Variants in FIGNL2 observed in about 807,000 individuals in gnomAD.
The protein encoded by FIGNL2 is fidgetin-like protein 2.
For missense variants in FIGNL2, 1,060 were observed against 950.2 expected, an observed-to-expected ratio of 1.12 and a Z score of -1.52; for synonymous variants, 565 against 484.0, an observed-to-expected ratio of 1.17 and a Z score of -2.20.
In FIGNL2 at chr12:51,844,705, G is replaced by C. The variant is rs946794774; in HGVS notation, c.-12+3835C>G. On this transcript the variant is annotated intron_variant, in intron 1 of 1. Transcript: ENST00000618634. ...TGAAACTGCTCGGAGAAGAGCAATTGCCACTTGTTCCTGGAGACAAGTGGA... is the reference window on the plus strand; with the variant it reads ...TGAAACTGCTCGGAGAAGAGCAATTCCCACTTGTTCCTGGAGACAAGTGGA... 6.1e-6 allele frequency: 6 copies of C among 985,258 alleles called. No individual in the cohort carries two copies. In the African/African-American group the frequency reaches 8.7e-5, roughly 14 times the overall value. The allele number at this position is 985,258 out of a possible 1,614,324, so 61.0% of individuals were successfully genotyped here.
At chr12:51,832,618 G>A (rs955760797) in intron 1 of FIGNL2, among the ~76,000 whole-genome samples, 10 of 151,934 alleles carry the variant, frequency 6.6e-5, no homozygotes, top group South Asian at 4.2e-4. Context: ...TGCAGACCTC[G>A]GGCTCAGTCC....
intron 1 of FIGNL2, among the ~76,000 whole-genome samples, chr12:51,838,274 C>T (rs752018557): frequency 2.6e-5 from 4 of 152,212 alleles, no homozygotes; most frequent in Admixed American, 6.5e-5. Flanking sequence ...GCTGGATCTC[C>T]ATTGTCTCAT....
intron 1 of FIGNL2, chr12:51,824,361 T>G (rs892221598): frequency 6.6e-6 from 1 of 152,262 alleles, no homozygotes; most frequent in Non-Finnish European, 1.5e-5. Flanking sequence ...AGCAGCTTGT[T>G]GACAGCACCC....
intron 1 of FIGNL2, chr12:51,824,029 A>G (rs899082092): frequency 3.3e-5 from 5 of 152,162 alleles, no homozygotes; most frequent in Non-Finnish European, 5.9e-5. Context: ...TCACAAGAAC[A>G]ACACCTTCAA....
At chr12:51,830,576 C>A (rs1335317952) in intron 1 of FIGNL2, among the ~76,000 whole-genome samples, 5 of 148,836 alleles carry the variant, frequency 3.4e-5, no homozygotes, top group Non-Finnish European at 7.4e-5. Flanking sequence ...ACTGCAACCT[C>A]CCCCTCCTGA....
intron 1 of FIGNL2, among the ~76,000 whole-genome samples, chr12:51,837,346 C>A (rs1219358525): frequency 1.3e-5 from 2 of 152,160 alleles, no homozygotes; most frequent in African/African-American, 4.8e-5. Flanking sequence ...AGGACGCAGG[C>A]TCCCAATGTT....
At position 51,819,319 on chromosome 12, in the gene FIGNL2, G is replaced by A. The variant is rs1939114931; in HGVS notation, c.*1133C>T. On this transcript the variant is annotated 3_prime_UTR_variant, in exon 2 of 2. Transcript: ENST00000618634. ...GGAGGGGTTGGGTGGGGCAGGGGGT[G>A]GGGAGCAGCAGGAGAGGAATAAGGC... 6.6e-6 allele frequency: 1 copy of A among 152,468 alleles called. No homozygotes were observed. Among genetic ancestry groups the A allele is most frequent in the African/African-American group, 2.4e-5 (1 of 41,426 alleles). 9.4% of individuals were successfully genotyped at this position (152,468 alleles called of 1,614,324 possible). A position where few individuals can be genotyped will look rare whatever the true frequency, so the allele number is the denominator to read the frequency against.
intron 1 of FIGNL2, among the ~76,000 whole-genome samples, chr12:51,825,597 A>G (rs1445125746): frequency 6.7e-6 from 1 of 149,222 alleles, no homozygotes; most frequent in Non-Finnish European, 1.5e-5. Context: ...CCTTCCAGAG[A>G]GGGGAACTTG....
intron 1 of FIGNL2, among the ~76,000 whole-genome samples, chr12:51,838,590 G>C (rs1374268234): frequency 2.0e-5 from 3 of 152,166 alleles, no homozygotes; most frequent in Non-Finnish European, 4.4e-5. Flanking sequence ...ACAATGTCTT[G>C]ATCTGTTTCC....
intron 1 of FIGNL2, among the ~76,000 whole-genome samples, chr12:51,841,002 C>A (rs1939651476): frequency 6.6e-6 from 1 of 152,222 alleles, no homozygotes; most frequent in African/African-American, 2.4e-5. Context: ...AGAGACATGC[C>A]CCCACAGGGC....
chr12:51,844,766 C>T (rs921260374), intron 1 of FIGNL2: 119 of 985,230 alleles, frequency 1.2e-4, no homozygotes, highest in Non-Finnish European at 1.4e-4. Flanking sequence ...CTCTCCAAGC[C>T]ACATAGTCAG....
chr12:51,834,406 C>T (rs1565946501), intron 1 of FIGNL2, among the ~76,000 whole-genome samples: 2 of 152,182 alleles, frequency 1.3e-5, no homozygotes, highest in South Asian at 4.1e-4. Context: ...CTTCTGTTAC[C>T]CCCCACCCCA....
intron 1 of FIGNL2, among the ~76,000 whole-genome samples, chr12:51,839,945 G>A (rs541985992): frequency 6.6e-6 from 1 of 152,292 alleles, no homozygotes; most frequent in Non-Finnish European, 1.5e-5. Flanking sequence ...CTGGGAACGA[G>A]GATGACCTGG....
chr12:51,839,513 G>C (rs1357424149), intron 1 of FIGNL2, among the ~76,000 whole-genome samples: 2 of 152,124 alleles, frequency 1.3e-5, no homozygotes, highest in African/African-American at 4.8e-5. Flanking sequence ...GTGGCTGCTA[G>C]GGTGGTCTTT....
chr12:51,827,224 T>C (rs1939364356), intron 1 of FIGNL2, among the ~76,000 whole-genome samples: 1 of 152,130 alleles, frequency 6.6e-6, no homozygotes, highest in Admixed American at 6.5e-5. Flanking sequence ...CAAGTCACAC[T>C]CCAATGATCA....
intron 1 of FIGNL2, chr12:51,847,795 G>T (rs1033489299): frequency 2.0e-6 from 2 of 985,316 alleles, no homozygotes; most frequent in African/African-American, 3.5e-5. Flanking sequence ...GAATCTCTGT[G>T]TAGAACAGGA....
chr12:51,821,287 T>C lies in FIGNL2; in HGVS notation c.1127A>G (p.Glu376Gly), dbSNP rs1171597614. The change falls in exon 2 of 2, where the codon GAG becomes GGG. Residue 376 changes from glutamate (E) to glycine (G), a missense_variant. Transcript: ENST00000618634. ...TPKGVDPGAL[E>G]LVTSKMVDCG... The stretch of plus-strand genomic sequence containing the variant: ...GTCCACCATCTTGCTCGTCACCAGC[T>C]CCAGGGCCCCAGGGTCCACGCCTTT... 2 of 1,523,960 alleles carry C rather than the reference T, an allele frequency of 1.3e-6. No individual in the cohort carries two copies. The highest frequency in any genetic ancestry group is 1.4e-5 in the African/African-American group (1 of 70,846). 94.4% of individuals were successfully genotyped at this position (1,523,960 alleles called of 1,614,324 possible). A position where few individuals can be genotyped will look rare whatever the true frequency, so the allele number is the denominator to read the frequency against.
In FIGNL2 at chr12:51,845,792, G is replaced by A. The variant is rs183238935; in HGVS notation, c.-12+2748C>T. The A allele has an allele frequency of 1.0e-3, 376 of 363,686 alleles. 3 individuals are homozygous for A. Among genetic ancestry groups the A allele is most frequent in the African/African-American group, 7.3e-3 (329 of 45,210 alleles). The allele number at this position is 363,686 out of a possible 1,614,324, so 22.5% of individuals were successfully genotyped here. ...TCGGAGCTTGGGGGGAGAGTCGGGG[G>A]AGTCCTGGCCCAGATAATAAGCAAT... On this transcript the variant is annotated intron_variant, in intron 1 of 1. Coordinates refer to ENST00000618634, the MANE Select transcript of FIGNL2 (RefSeq NM_001384995.1).
At chr12:51,822,507 TAG>T in intron 1 of FIGNL2, 83 bp from the exon 2 acceptor site, 1 of 1,520,312 alleles carries the variant, frequency 6.6e-7, no homozygotes, top group Non-Finnish European at 8.9e-7. Flanking sequence ...CCAGTCCGCC[TAG>T]ACTGCGGCTT....
Sources: allele counts gnomAD v4.1 joint callset (sites outside exome capture counted in the v4.1 genomes callset), GRCh38; gene constraint gnomAD v4.1.1; transcripts MANE v1.5; gene names NCBI Gene and HGNC (gene_info 2026-07-23, HGNC 2026-07-21).